The following PPP6R1 variants were observed in gnomAD, a reference collection of about 807,000 sequenced individuals.
The protein encoded by PPP6R1 is serine/threonine-protein phosphatase 6 regulatory subunit 1.
PPP6R1 carries 39 observed loss-of-function variants against 104.6 expected under a neutral mutation model. That is an observed-to-expected ratio of 0.37 (90% CI 0.29 to 0.49). The LOEUF is 0.49. Among genes scored for constraint, PPP6R1 ranks in the 20% least tolerant of loss-of-function variants. The pLI is 0.98. For synonymous variants in PPP6R1, 549 were observed against 479.0 expected, an observed-to-expected ratio of 1.15 and a Z score of -1.91; for missense variants, 1,181 against 1,155.8, an observed-to-expected ratio of 1.02 and a Z score of -0.32.
intron 1 of PPP6R1, among the ~76,000 whole-genome samples, chr19:55,252,117 T>C (rs75459831): frequency 0.058 from 8,864 of 152,230 alleles, 374 homozygotes; most frequent in Middle Eastern, 0.095. Flanking sequence ...CTGGCGGGGA[T>C]TGGGCGAAGT....
chr19:55,242,261 C>G lies in PPP6R1; in HGVS notation c.750G>C (p.Gln250His). ...ATLEKQETIEQLLSNMFEGEQ... is the reference protein window; with the variant it reads ...ATLEKQETIEHLLSNMFEGEQ... ...CCCCCTCGAACATGTTGCTTAAGAGCTGCTCAATCGTCTCCTGCCTGCGGG... is the reference window on the plus strand; with the variant it reads ...CCCCCTCGAACATGTTGCTTAAGAGGTGCTCAATCGTCTCCTGCCTGCGGG... Residue 250 changes from glutamine (Q) to histidine (H), a missense_variant, in exon 7 of 24, where the codon CAG (glutamine) becomes CAC (histidine). This residue lies in a region of PPP6R1 where 1,042 missense variants were observed against 955.6 expected (regional missense o/e 1.09). Transcript: ENST00000412770. 1 of 1,613,988 alleles carries G rather than the reference C, an allele frequency of 6.2e-7. No individual in the cohort carries two copies. Among genetic ancestry groups the G allele is most frequent in the Non-Finnish European group, 8.5e-7 (1 of 1,179,900 alleles).
chr19:55,242,069 G>T, intron 7 of PPP6R1, 97 bp downstream of exon 7: 1 of 1,163,980 alleles, frequency 8.6e-7, no homozygotes, highest in Non-Finnish European at 1.2e-6. Context: ...TGCCACGGGC[G>T]GGGATTTCTC....
chr19:55,237,603 C>T (rs1467440358), intron 15 of PPP6R1, among the ~76,000 whole-genome samples: 3 of 152,168 alleles, frequency 2.0e-5, no homozygotes, highest in Non-Finnish European at 4.4e-5. Context: ...AATTCTGCCA[C>T]AAAGATCAAT....
downstream of PPP6R1, chr19:55,229,352 G>A: frequency 6.4e-6 from 1 of 155,240 alleles, no homozygotes; most frequent in Admixed American, 6.3e-5. Flanking sequence ...TGCCACCCCA[G>A]TGAGGACGCT....
Position 55,245,287 on chromosome 19 carries a change from T to A in PPP6R1, c.530A>T (p.Gln177Leu). The change falls in exon 4 of 24, where the codon CAG (glutamine) becomes CTG (leucine). Residue 177 changes from glutamine to leucine, a missense_variant. Gln to Leu is a moderately radical substitution (Grantham distance 113). Around this residue, in one of 2 missense-constraint regions of PPP6R1, gnomAD observed 1,042 missense variants for 955.6 expected, o/e 1.09. Transcript: ENST00000412770. This position sits in a 1 kb window ranked among gnomAD's most constrained non-coding sequence, Gnocchi z 6.4. ...LRLLTCVERP[Q>L]LRQDVVNWLN... ...CACATTGACAACATCCTGCCTCAGCTGAGGCCGCTCCACACAGGTGAGCAG... is the reference window on the plus strand; with the variant it reads ...CACATTGACAACATCCTGCCTCAGCAGAGGCCGCTCCACACAGGTGAGCAG... 6.3e-7 allele frequency: 1 copy of A among 1,599,964 alleles called. No individual in the cohort carries two copies. Among genetic ancestry groups the A allele is most frequent in the South Asian group, 1.1e-5 (1 of 89,174 alleles).
intron 17 of PPP6R1, chr19:55,236,174 G>A (rs1220087733): frequency 6.7e-6 from 1 of 149,980 alleles, no homozygotes; most frequent in Admixed American, 6.6e-5. Context: ...CTTTTTTTTT[G>A]AGACAAGTCT....
At chr19:55,243,988 C>A (rs967562104) in intron 5 of PPP6R1, among the ~76,000 whole-genome samples, 1 of 152,168 alleles carries the variant, frequency 6.6e-6, no homozygotes, top group African/African-American at 2.4e-5. Context: ...ATGATAAACG[C>A]TTTGAATACC....
In PPP6R1 at chr19:55,230,201, C is replaced by T. The variant is rs972299102; in HGVS notation, c.*327G>A. ...AGGGAAGGCTGTGCTTTGGAGCCGC[C>T]AGCCCAGTTCGGTGTCCTCACTCTC... is the stretch of plus-strand genomic sequence containing the variant. On this transcript the variant is annotated 3_prime_UTR_variant, in exon 24 of 24. Coordinates refer to ENST00000412770, the MANE Select transcript of PPP6R1 (RefSeq NM_014931.4). 1.2e-5 allele frequency: 4 copies of T among 341,000 alleles called. No individual in the cohort carries two copies. Among genetic ancestry groups the T allele is most frequent in the African/African-American group, 8.4e-5 (4 of 47,350 alleles). 21.1% of individuals were successfully genotyped at this position (341,000 alleles called of 1,614,324 possible).
In PPP6R1 at chr19:55,239,626, A is replaced by G. The variant is rs1417080054; in HGVS notation, c.1621T>C (p.Phe541Leu). ...SDDEDDRLKEFNFPEEAVLQQ... is the reference protein window; with the variant it reads ...SDDEDDRLKELNFPEEAVLQQ... ...AGCACAGCCTCCTCAGGGAAGTTGA[A>G]CTCCTTGAGCCGGTCGTCCTCATCG... The change falls in exon 14 of 24, where the codon TTC becomes CTC. Residue 541 changes from phenylalanine to leucine, a missense_variant. This residue lies in a region of PPP6R1 where 1,042 missense variants were observed against 955.6 expected (regional missense o/e 1.09). Transcript: ENST00000412770. 1.2e-5 allele frequency: 19 copies of G among 1,611,842 alleles called. No individual in the cohort carries two copies. Among genetic ancestry groups the G allele is most frequent in the Non-Finnish European group, 1.5e-5 (18 of 1,179,040 alleles).
chr19:55,232,349 G>A, intron 17 of PPP6R1, 138 bp from the exon 18 acceptor site: 1 of 1,321,236 alleles, frequency 7.6e-7, no homozygotes, highest in Non-Finnish European at 1.0e-6. Flanking sequence ...CAGGGAGCCT[G>A]GGGTGTGACG....
chr19:55,234,465 G>A (rs1205238188), intron 17 of PPP6R1, among the ~76,000 whole-genome samples: 1 of 152,182 alleles, frequency 6.6e-6, no homozygotes, highest in South Asian at 2.1e-4. Context: ...TTATCTATAT[G>A]TAAAGGGATG....
intron 22 of PPP6R1, 36 bp downstream of exon 22, chr19:55,230,738 A>ACC: frequency 6.5e-6 from 6 of 925,638 alleles, no homozygotes; most frequent in Non-Finnish European, 6.3e-6. Flanking sequence ...CACCAGCCCC[A>ACC]CCCCCACCCC....
chr19:55,245,436 C>G lies in PPP6R1; in HGVS notation c.415-34G>C, dbSNP rs371936284. ...ACACGGGCTGCGTCATGCACAGGGCCTGGCCCAGCCACCACCCCTCAACCC... is the reference window on the plus strand; with the variant it reads ...ACACGGGCTGCGTCATGCACAGGGCGTGGCCCAGCCACCACCCCTCAACCC... On this transcript the variant is annotated intron_variant, in intron 3 of 23. Coordinates refer to ENST00000412770, the MANE Select transcript of PPP6R1 (RefSeq NM_014931.4). This position sits in a 1 kb window ranked among gnomAD's most constrained non-coding sequence, Gnocchi z 6.4. 6.2e-7 allele frequency: 1 copy of G among 1,612,466 alleles called. No individual in the cohort carries two copies. Among genetic ancestry groups the G allele is most frequent in the Non-Finnish European group, 8.5e-7 (1 of 1,179,246 alleles).
downstream of PPP6R1, chr19:55,229,131 G>T: frequency 4.7e-6 from 1 of 211,894 alleles, no homozygotes; most frequent in Non-Finnish European, 1.0e-5. Context: ...TGGAGGGATG[G>T]GAAGGCGAGT....
At chr19:55,231,092 T>A in intron 21 of PPP6R1, 1 of 617,632 alleles carries the variant, frequency 1.6e-6, no homozygotes. Flanking sequence ...TCCCGCCTCC[T>A]GTCCCTGTGG....
Position 55,242,449 on chromosome 19 carries a change from G to C in PPP6R1, c.658C>G (p.Arg220Gly). Reference sequence around the variant, plus strand: ...TGGATCATCTGCTCCCGGCTCAGGCGGATGATGTCACACAGGGACTGGGAT... The same window carrying C: ...TGGATCATCTGCTCCCGGCTCAGGCCGATGATGTCACACAGGGACTGGGAT... ...NASQSLCDII[R>G]LSREQMIQVQ... Residue 220 changes from arginine (R) to glycine (G), a missense_variant, in exon 6 of 24, where the codon CGC becomes GGC. Around this residue, in one of 2 missense-constraint regions of PPP6R1, gnomAD observed 1,042 missense variants for 955.6 expected, o/e 1.09. Transcript: ENST00000412770. 6.2e-7 allele frequency: 1 copy of C among 1,613,986 alleles called. No individual in the cohort carries two copies. Among genetic ancestry groups the C allele is most frequent in the Non-Finnish European group, 8.5e-7 (1 of 1,179,864 alleles).
In PPP6R1 at chr19:55,245,548, G is replaced by A; in HGVS notation, c.358C>T (p.Leu120=). ...LQSTGSLNPL[L]ASFFSKVMGI... is the part of the protein sequence containing the mutation. ...ATGACCTTGCTGAAGAAGCTGGCCA[G>A]CAGTGGGTTGAGGCTGCCGGTGCTC... Residue 120 remains leucine, a synonymous_variant, in exon 3 of 24, where the codon CTG becomes TTG. Coordinates refer to ENST00000412770, the MANE Select transcript of PPP6R1 (RefSeq NM_014931.4). This position sits in a 1 kb window ranked among gnomAD's most constrained non-coding sequence, Gnocchi z 6.4. 6.2e-7 allele frequency: 1 copy of A among 1,611,438 alleles called. No homozygotes were observed. Among genetic ancestry groups the A allele is most frequent in the Non-Finnish European group, 8.5e-7 (1 of 1,178,850 alleles).
At chr19:55,246,604 C>T (rs1051018703) in intron 2 of PPP6R1, among the ~76,000 whole-genome samples, 2 of 152,192 alleles carry the variant, frequency 1.3e-5, no homozygotes, top group Admixed American at 1.3e-4. Context: ...CCCAGCTACT[C>T]GGGCAACTGA....
intron 1 of PPP6R1, among the ~76,000 whole-genome samples, chr19:55,249,840 G>A (rs573065905): frequency 4.9e-4 from 73 of 150,408 alleles, no homozygotes; most frequent in African/African-American, 7.7e-4. Context: ...ACTCTGTCTC[G>A]GAAAAAAAAA....
Sources: gnomAD v4.1 joint callset for allele counts (sites outside exome capture counted in the v4.1 genomes callset) on GRCh38, gnomAD v4.1.1 for gene constraint, gnomAD v4.1.1 regional missense constraint, Gnocchi (gnomAD v3.1) non-coding constraint, MANE v1.5 for transcripts, NCBI Gene and HGNC (gene_info 2026-07-23, HGNC 2026-07-21) for gene names.